Variants in ZNF831 observed in about 807,000 individuals in gnomAD.
The protein encoded by ZNF831 is zinc finger protein 831, also known as chromosome 20 open reading frame 174.
A neutral mutation model predicts 95.8 loss-of-function variants in ZNF831; 59 were observed. That is an observed-to-expected ratio of 0.62 (90% CI 0.50 to 0.77). ZNF831 has a LOEUF of 0.77. Ranked by LOEUF, ZNF831 falls within the 30% of genes least tolerant of loss-of-function variation. The pLI is 0.00. For synonymous variants in ZNF831, 961 were observed against 925.5 expected, an observed-to-expected ratio of 1.04 and a Z score of -0.70; for missense variants, 2,205 against 2,164.0, an observed-to-expected ratio of 1.02 and a Z score of -0.38.
At chr20:59,243,878 A>G (rs1194212350) in intron 4 of ZNF831, among the ~76,000 whole-genome samples, 1 of 152,194 alleles carries the variant, frequency 6.6e-6, no homozygotes, top group Non-Finnish European at 1.5e-5. Context: ...GAAATTAATG[A>G]TCCATAAAGT....
At chr20:59,222,235 T>C (rs259985) in intron 4 of ZNF831, among the ~76,000 whole-genome samples, 22,535 of 152,226 alleles carry the variant, frequency 0.15, 2,297 homozygotes, top group South Asian at 0.33. Context: ...TGGGCTGAGC[T>C]GGGCTGGGGG....
At chr20:59,129,647 C>A (rs1019118411) in intron 1 of ZNF831, among the ~76,000 whole-genome samples, 7 of 152,120 alleles carry the variant, frequency 4.6e-5, no homozygotes, top group African/African-American at 1.7e-4. Flanking sequence ...ACAAACAACA[C>A]AGAACTGTGT....
chr20:59,151,617 C>T (rs1980242614), intron 2 of ZNF831, among the ~76,000 whole-genome samples: 1 of 152,178 alleles, frequency 6.6e-6, no homozygotes, highest in African/African-American at 2.4e-5. Flanking sequence ...GAATCGCTGC[C>T]AGGTGAATGA....
At chr20:59,236,042 A>T (rs898383226) in intron 4 of ZNF831, among the ~76,000 whole-genome samples, 3 of 152,120 alleles carry the variant, frequency 2.0e-5, no homozygotes, top group Non-Finnish European at 4.4e-5. Flanking sequence ...AGAGGATACC[A>T]ATTTTTCACC....
rs757746186 is a variant in ZNF831, at chr20:59,255,783, C to T, written c.*1040C>T. 15 of 152,226 alleles carry T rather than the reference C, an allele frequency of 9.9e-5. No homozygotes were observed. The highest frequency in any genetic ancestry group is 9.6e-4 in the East Asian group (5 of 5,186). 9.4% of individuals were successfully genotyped at this position (152,226 alleles called of 1,614,324 possible). A position where few individuals can be genotyped will look rare whatever the true frequency, so the allele number is the denominator to read the frequency against. On this transcript the variant is annotated 3_prime_UTR_variant, in exon 6 of 6. Transcript: ENST00000371030. ...TTTTACATCTCGGTAATTTTATTTT[C>T]GGGGCTTAGTGTTACTTTGCTGTCA...
chr20:59,140,065 G>A (rs1425808361), intron 1 of ZNF831, among the ~76,000 whole-genome samples: 1 of 152,212 alleles, frequency 6.6e-6, no homozygotes, highest in East Asian at 1.9e-4. Context: ...TGATAAGAAT[G>A]CATTGTGTCA....
chr20:59,148,909 T>A (rs1317074989), intron 2 of ZNF831, among the ~76,000 whole-genome samples: 1 of 151,934 alleles, frequency 6.6e-6, no homozygotes, highest in East Asian at 1.9e-4. Flanking sequence ...GCTTACCACA[T>A]CCTTCCCCAG....
chr20:59,195,894 T>G lies in ZNF831; in HGVS notation c.3764T>G (p.Val1255Gly). 1 of 1,614,042 alleles carries G rather than the reference T, an allele frequency of 6.2e-7. No homozygotes were observed. Among genetic ancestry groups the G allele is most frequent in the Non-Finnish European group, 8.5e-7 (1 of 1,180,014 alleles). Residue 1255 changes from valine to glycine, a missense_variant, in exon 3 of 6, where the codon GTG (valine) becomes GGG (glycine). Physicochemically the swap from Val to Gly is moderately radical, Grantham distance 109 (BLOSUM62 -3). Coordinates refer to ENST00000371030, the MANE Select transcript of ZNF831 (RefSeq NM_178457.3). ...TTCTCCTACCCAACAGTCCCAGGGG[T>G]GATGCCCCAGCACCAGGTGTCTGAG... ...SKFSYPTVPG[V>G]MPQHQVSEPE...
chr20:59,223,556 G>A (rs563959112), intron 4 of ZNF831, among the ~76,000 whole-genome samples: 3 of 152,288 alleles, frequency 2.0e-5, no homozygotes, highest in Admixed American at 6.5e-5. Context: ...ACTCGGGCTC[G>A]CTGCCGAGTT....
intron 3 of ZNF831, among the ~76,000 whole-genome samples, chr20:59,204,795 G>A (rs1212330445): frequency 6.6e-6 from 1 of 152,140 alleles, no homozygotes; most frequent in African/African-American, 2.4e-5. Flanking sequence ...ACACCTTGAG[G>A]GGACTTGCAT....
chr20:59,250,840 G>A (rs992575192), intron 4 of ZNF831, among the ~76,000 whole-genome samples: 1 of 151,830 alleles, frequency 6.6e-6, no homozygotes, highest in Non-Finnish European at 1.5e-5. Flanking sequence ...AAAAGACCAA[G>A]AAACAGAACA....
chr20:59,151,348 G>A (rs1980224457), intron 2 of ZNF831, among the ~76,000 whole-genome samples: 1 of 152,148 alleles, frequency 6.6e-6, no homozygotes, highest in Non-Finnish European at 1.5e-5. Flanking sequence ...GCACCCTCCT[G>A]CTGAGATGCC....
intron 4 of ZNF831, among the ~76,000 whole-genome samples, chr20:59,210,683 C>T (rs930247591): frequency 7.9e-5 from 12 of 152,182 alleles, no homozygotes; most frequent in African/African-American, 2.9e-4. Context: ...GGGTCCTGCA[C>T]GCTCACCCCA....
chr20:59,170,697 A>G (rs1325428203), intron 1 of ZNF831, among the ~76,000 whole-genome samples: 1 of 152,174 alleles, frequency 6.6e-6, no homozygotes, highest in Non-Finnish European at 1.5e-5. Flanking sequence ...GTGGCACCCT[A>G]GGATTGAGAT....
chr20:59,132,165 G>A (rs1292829085), intron 1 of ZNF831, among the ~76,000 whole-genome samples: 2 of 152,034 alleles, frequency 1.3e-5, no homozygotes, highest in East Asian at 1.9e-4. Flanking sequence ...ATATGATAGA[G>A]TCATCTTTGT....
intron 4 of ZNF831, among the ~76,000 whole-genome samples, chr20:59,210,884 T>TA (rs1985262629): frequency 1.3e-5 from 1 of 79,314 alleles, no homozygotes; most frequent in Non-Finnish European, 2.4e-5. Flanking sequence ...ATACAAAAAA[T>TA]TAGCCGGGCG....
In ZNF831 at chr20:59,258,209, T is replaced by G. The variant is rs1195407456; in HGVS notation, c.*3466T>G. On this transcript the variant is annotated 3_prime_UTR_variant, in exon 6 of 6. Coordinates refer to ENST00000371030, the MANE Select transcript of ZNF831 (RefSeq NM_178457.3). Reference sequence around the variant, plus strand: ...AAGATGGAGGAGGGTGTCTCTGAATTTTAATGGAAACACTGCCAATAGCAT... The same window carrying G: ...AAGATGGAGGAGGGTGTCTCTGAATGTTAATGGAAACACTGCCAATAGCAT... 60 of 152,182 alleles carry G rather than the reference T, an allele frequency of 3.9e-4. No homozygotes were observed. The highest frequency in any genetic ancestry group is 3.9e-3 in the Admixed American group (60 of 15,280). The allele number at this position is 152,182 out of a possible 1,614,324, so 9.4% of individuals were successfully genotyped here.
chr20:59,242,565 A>G lies in ZNF831; in HGVS notation c.4028-10413A>G, dbSNP rs142208396. On this transcript the variant is annotated intron_variant, in intron 4 of 5. Transcript: ENST00000371030. ...AATATTGTTTGGAAAAAGAAAAACA[A>G]ATCTCTAAATGGGAAATCTTAAATT... is the stretch of plus-strand genomic sequence containing the variant. Among the ~76,000 whole-genome samples, 7 of 152,368 alleles carry G rather than the reference A, an allele frequency of 4.6e-5. 1 individual carries two copies. Among genetic ancestry groups the G allele is most frequent in the African/African-American group, 1.7e-4 (7 of 41,580 alleles).
chr20:59,230,039 C>T (rs748113744), intron 4 of ZNF831, among the ~76,000 whole-genome samples: 1 of 151,962 alleles, frequency 6.6e-6, no homozygotes, highest in Non-Finnish European at 1.5e-5. Context: ...GTGTCTTCCC[C>T]CAGCATGTAA....
Sources: gnomAD v4.1 joint callset for allele counts (sites outside exome capture counted in the v4.1 genomes callset) on GRCh38, gnomAD v4.1.1 for gene constraint, MANE v1.5 for transcripts, NCBI Gene and HGNC (gene_info 2026-07-23, HGNC 2026-07-21) for gene names.